SNX13: variants seen among roughly 807,000 people sequenced by gnomAD.
The protein encoded by SNX13 is sorting nexin-13.
Under a neutral mutation model 133.6 loss-of-function variants are expected in SNX13, and 45 were observed. That is an observed-to-expected ratio of 0.34 (90% CI 0.27 to 0.43). The LOEUF is 0.43. Among genes scored for constraint, SNX13 ranks in the 20% least tolerant of loss-of-function variants. SNX13 has a pLI of 1.00. For synonymous variants in SNX13, 414 were observed against 373.9 expected, an observed-to-expected ratio of 1.11 and a Z score of -1.24; for missense variants, 1,032 against 1,145.1, an observed-to-expected ratio of 0.90 and a Z score of 1.43.
chr7:17,908,228 A>G (rs184866811), intron 1 of SNX13, among the ~76,000 whole-genome samples: 3 of 152,286 alleles, frequency 2.0e-5, no homozygotes, highest in East Asian at 1.9e-4. Flanking sequence ...ACCATTTTAT[A>G]TCTTAAGTAT....
At chr7:17,870,924 T>C (rs892562426) in intron 8 of SNX13, among the ~76,000 whole-genome samples, 13 of 151,984 alleles carry the variant, frequency 8.6e-5, no homozygotes, top group Non-Finnish European at 1.6e-4. Context: ...AGGGAGGGCA[T>C]CTCTAAGGAA....
rs188260386 is a variant in SNX13 at position 17,899,905 on chromosome 7, T to C, written c.13-2459A>G. ...TGGACATTGAAGAGTTAGGCATTTA[T>C]TGCAGTCTTTACAGTCTGGGCTTGT... is the stretch of plus-strand genomic sequence containing the variant. On this transcript the variant is annotated intron_variant, in intron 1 of 25. Transcript: ENST00000428135. 90 of 152,298 alleles carry C rather than the reference T, an allele frequency of 5.9e-4. No individual in the cohort carries two copies. The Middle Eastern group carries it at 0.017, about 29-fold the overall frequency. 9.4% of individuals were successfully genotyped at this position (152,298 alleles called of 1,614,324 possible). A position where few individuals can be genotyped will look rare whatever the true frequency, so the allele number is the denominator to read the frequency against.
chr7:17,891,179 G>C (rs143700292), intron 4 of SNX13, among the ~76,000 whole-genome samples: 2 of 151,504 alleles, frequency 1.3e-5, no homozygotes, highest in Admixed American at 1.3e-4. Context: ...TTTTTGCATC[G>C]GATATTTCTT....
At chr7:17,805,362 G>A (rs1785176251) in intron 20 of SNX13, among the ~76,000 whole-genome samples, 1 of 152,114 alleles carries the variant, frequency 6.6e-6, no homozygotes, top group South Asian at 2.1e-4. Context: ...TTGCAACACT[G>A]TGGCCTTTCT....
intron 1 of SNX13, among the ~76,000 whole-genome samples, chr7:17,925,218 A>G (rs1410503937): frequency 2.6e-5 from 4 of 152,204 alleles, no homozygotes; most frequent in Non-Finnish European, 5.9e-5. Flanking sequence ...CGTCTCAAAA[A>G]AAATAGGCAA....
In SNX13 at chr7:17,803,486, T is replaced by G. The variant is rs1166677051; in HGVS notation, c.2159A>C (p.Lys720Thr). 6.2e-7 allele frequency: 1 copy of G among 1,612,810 alleles called. No individual in the cohort carries two copies. Among genetic ancestry groups the G allele is most frequent in the Non-Finnish European group, 8.5e-7 (1 of 1,179,350 alleles). ...CATTTTGCCCATGTTGTCTGACATT[T>G]TAGTCATTCCCTCTGCCAAGCTATC... ...LPDSLAEGMT[K>T]MSDNMGKMSE... Residue 720 changes from lysine to threonine, a missense_variant, in exon 21 of 26, where the codon AAA (lysine) becomes ACA (threonine). Transcript: ENST00000428135.
chr7:17,865,178 A>G (rs1253108401), intron 9 of SNX13, among the ~76,000 whole-genome samples: 1 of 152,220 alleles, frequency 6.6e-6, no homozygotes, highest in Non-Finnish European at 1.5e-5. Flanking sequence ...ACTCATTGAT[A>G]CTAAGTACAC....
At chr7:17,858,768 CAA>C (rs1333534798) in intron 9 of SNX13, among the ~76,000 whole-genome samples, 1 of 151,954 alleles carries the variant, frequency 6.6e-6, no homozygotes, top group East Asian at 1.9e-4. Context: ...TATGGGTACA[CAA>C]AGAGAGCAAC....
chr7:17,912,679 T>G (rs563081256), intron 1 of SNX13, among the ~76,000 whole-genome samples: 1 of 152,294 alleles, frequency 6.6e-6, no homozygotes, highest in Admixed American at 6.5e-5. Flanking sequence ...CTCAAAGTGC[T>G]GGGATTACAG....
At chr7:17,831,371 TA>T (rs1788468021) in intron 15 of SNX13, 1 of 839,082 alleles carries the variant, frequency 1.2e-6, no homozygotes, top group Admixed American at 6.3e-5. Context: ...ACTGTTTTAA[TA>T]AAGGAGAAAA....
intron 1 of SNX13, among the ~76,000 whole-genome samples, chr7:17,914,565 G>A (rs1418524244): frequency 6.6e-6 from 1 of 152,050 alleles, no homozygotes; most frequent in Non-Finnish European, 1.5e-5. Flanking sequence ...AGAGACAGGG[G>A]GCCCATTTTA....
At chr7:17,887,032 A>AT (rs1796085825) in intron 5 of SNX13, among the ~76,000 whole-genome samples, 1 of 152,094 alleles carries the variant, frequency 6.6e-6, no homozygotes, top group Admixed American at 6.5e-5. Context: ...ACCTAGGAAC[A>AT]TAATAGCAAC....
At chr7:17,832,279 A>G in intron 15 of SNX13, 1 of 984,626 alleles carries the variant, frequency 1.0e-6, no homozygotes. Flanking sequence ...GTACTGAAGA[A>G]GACAGACTGG....
At chr7:17,893,526 A>G in intron 2 of SNX13, 92 bp from the exon 3 acceptor site, 1 of 765,478 alleles carries the variant, frequency 1.3e-6, no homozygotes, top group Non-Finnish European at 2.1e-6. Flanking sequence ...GAGTTCACAG[A>G]TGGCTTATCA....
chr7:17,845,517 T>C (rs1790411096), intron 12 of SNX13, 78 bp downstream of exon 12: 8 of 881,974 alleles, frequency 9.1e-6, no homozygotes, highest in Non-Finnish European at 1.0e-5. Context: ...AGATACTAAA[T>C]TTTATGTGTA....
At chr7:17,835,631 G>C (rs1225235624) in intron 13 of SNX13, among the ~76,000 whole-genome samples, 1 of 151,820 alleles carries the variant, frequency 6.6e-6, no homozygotes, top group Non-Finnish European at 1.5e-5. Flanking sequence ...GAGAGTAAAT[G>C]AGTCCTAGAG....
At chr7:17,850,281 G>T in intron 11 of SNX13, 66 bp downstream of exon 11, 1 of 1,025,916 alleles carries the variant, frequency 9.7e-7, no homozygotes, top group Non-Finnish European at 1.4e-6. Context: ...GTCCTTTACT[G>T]TGCATTTTTA....
chr7:17,856,785 T>TAAAAAAAAA (rs200753998), intron 9 of SNX13, among the ~76,000 whole-genome samples: 3 of 97,578 alleles, frequency 3.1e-5, no homozygotes, highest in Non-Finnish European at 4.1e-5. Flanking sequence ...GAGACTCTCT[T>TAAAAAAAAA]AAAAAAAAAA....
intron 1 of SNX13, among the ~76,000 whole-genome samples, chr7:17,904,019 C>T (rs928764819): frequency 2.0e-5 from 3 of 152,040 alleles, no homozygotes; most frequent in South Asian, 2.1e-4. Flanking sequence ...AAAATGACCT[C>T]GACTTCCATG....
Sources: allele counts gnomAD v4.1 joint callset (sites outside exome capture counted in the v4.1 genomes callset), GRCh38; gene constraint gnomAD v4.1.1; transcripts MANE v1.5; gene names NCBI Gene and HGNC (gene_info 2026-07-23, HGNC 2026-07-21).